SAMD12: variants seen among roughly 807,000 people sequenced by gnomAD.
The protein encoded by SAMD12 is sterile alpha motif domain-containing protein 12.
A neutral mutation model predicts 15.0 loss-of-function variants in SAMD12; 9 were observed. That is an observed-to-expected ratio of 0.60 (90% CI 0.36 to 1.05). The LOEUF is 1.05. SAMD12 is among the 50% of genes least tolerant of loss of function. The probability of loss-of-function intolerance (pLI) is 0.01; values close to 1 mark genes in which losing one functional copy is unlikely to be tolerated. For missense variants in SAMD12, 230 were observed against 234.2 expected (o/e 0.98, Z 0.12); for synonymous variants, 86 against 90.1 (o/e 0.96, Z 0.25).
chr8:118,573,120 T>C (rs552216465), intron 2 of SAMD12, among the ~76,000 whole-genome samples: 1 of 152,258 alleles, frequency 6.6e-6, no homozygotes, highest in South Asian at 2.1e-4. Context: ...GTTTCACTAT[T>C]GTTGCCCAGT....
At chr8:118,371,944 T>C (rs1227614069) in intron 4 of SAMD12, among the ~76,000 whole-genome samples, 1 of 152,072 alleles carries the variant, frequency 6.6e-6, no homozygotes, top group African/African-American at 2.4e-5. Context: ...CAATATCCTG[T>C]ACATGGAACA....
the SAMD12 span, among the ~76,000 whole-genome samples, chr8:118,151,861 A>G: frequency 6.6e-6 from 1 of 151,850 alleles, no homozygotes; most frequent in Admixed American, 6.6e-5. Flanking sequence ...AAGATTTTGA[A>G]GTACCAAAAA....
intron 3 of SAMD12, among the ~76,000 whole-genome samples, chr8:118,404,337 T>G (rs929030745): frequency 6.6e-6 from 1 of 152,202 alleles, no homozygotes; most frequent in Admixed American, 6.5e-5. Context: ...GATTTGTGCT[T>G]TGATATCTGC....
intron 2 of SAMD12, among the ~76,000 whole-genome samples, chr8:118,490,932 T>TG (rs200489556): frequency 0.087 from 9,864 of 112,918 alleles, 643 homozygotes; most frequent in African/African-American, 0.26. Context: ...ATTAAAGAAG[T>TG]GGGAAAAAAA....
chr8:118,430,839 C>T (rs1822380676), intron 3 of SAMD12, among the ~76,000 whole-genome samples: 1 of 151,916 alleles, frequency 6.6e-6, no homozygotes, highest in African/African-American at 2.4e-5. Context: ...CTTTTTTTGC[C>T]CCTAATCTGA....
At chr8:118,408,264 C>T (rs1420938213) in intron 3 of SAMD12, among the ~76,000 whole-genome samples, 1 of 152,174 alleles carries the variant, frequency 6.6e-6, no homozygotes, top group African/African-American at 2.4e-5. Context: ...AATCTACACA[C>T]CACTGGAGAG....
intron 4 of SAMD12, among the ~76,000 whole-genome samples, chr8:118,243,801 G>A (rs929621124): frequency 1.3e-5 from 2 of 152,108 alleles, no homozygotes; most frequent in Admixed American, 6.6e-5. Context: ...TCTTCTCATG[G>A]AAATGGAGAG....
chr8:118,570,655 T>A (rs1165193983), intron 2 of SAMD12, among the ~76,000 whole-genome samples: 3 of 152,184 alleles, frequency 2.0e-5, no homozygotes, highest in Non-Finnish European at 4.4e-5. Context: ...TCGTGAATAG[T>A]GCTGCAATGA....
At chr8:118,617,450 C>A (rs1267044627) in intron 1 of SAMD12, among the ~76,000 whole-genome samples, 1 of 152,214 alleles carries the variant, frequency 6.6e-6, no homozygotes, top group Non-Finnish European at 1.5e-5. Flanking sequence ...TGGTAAGCTA[C>A]CATGTTCATT....
chr8:118,584,131 C>T (rs1234638147), intron 1 of SAMD12, among the ~76,000 whole-genome samples: 1 of 152,212 alleles, frequency 6.6e-6, no homozygotes, highest in Non-Finnish European at 1.5e-5. Flanking sequence ...ACTTTCCACA[C>T]ACGTAGGCTT....
intron 4 of SAMD12, among the ~76,000 whole-genome samples, chr8:118,293,159 A>G (rs535663624): frequency 6.6e-6 from 1 of 152,270 alleles, no homozygotes. Context: ...CAACATCTCT[A>G]AGACCACATA....
intron 3 of SAMD12, among the ~76,000 whole-genome samples, chr8:118,383,793 C>T (rs1433201992): frequency 6.6e-6 from 1 of 152,114 alleles, no homozygotes; most frequent in African/African-American, 2.4e-5. Flanking sequence ...GCCTTTTACT[C>T]TTTTCCATTA....
At chr8:118,320,714 G>GT (rs1243619861) in intron 4 of SAMD12, among the ~76,000 whole-genome samples, 9 of 150,742 alleles carry the variant, frequency 6.0e-5, no homozygotes, top group Non-Finnish European at 1.0e-4. Flanking sequence ...TATACCTAAC[G>GT]TAAATGATGA....
intron 4 of SAMD12, among the ~76,000 whole-genome samples, chr8:118,326,029 A>G (rs919744229): frequency 5.9e-5 from 9 of 152,228 alleles, no homozygotes; most frequent in Non-Finnish European, 1.3e-4. Context: ...AAGCCCATGG[A>G]TTCAGCTGCT....
chr8:118,270,419 A>G (rs1409602457), intron 4 of SAMD12, among the ~76,000 whole-genome samples: 4 of 152,048 alleles, frequency 2.6e-5, no homozygotes, highest in Non-Finnish European at 5.9e-5. Context: ...ATATATTTCC[A>G]TTTCCTGAAT....
intron 4 of SAMD12, among the ~76,000 whole-genome samples, chr8:118,223,671 T>C (rs920737740): frequency 2.6e-5 from 4 of 152,160 alleles, no homozygotes; most frequent in Non-Finnish European, 5.9e-5. Context: ...GAACAATCAA[T>C]AGGGCTATAT....
chr8:118,335,889 A>G (rs1817032854), intron 4 of SAMD12, among the ~76,000 whole-genome samples: 1 of 152,104 alleles, frequency 6.6e-6, no homozygotes, highest in African/African-American at 2.4e-5. Flanking sequence ...GGTGCACACC[A>G]CTAGCCCTCT....
intron 4 of SAMD12, among the ~76,000 whole-genome samples, chr8:118,254,716 G>A (rs1019645805): frequency 1.3e-5 from 2 of 151,974 alleles, no homozygotes; most frequent in African/African-American, 4.8e-5. Context: ...CGGCTGTGCT[G>A]TTCCTTCAGC....
At chr8:118,438,394 AT>A (rs1353577034) in intron 3 of SAMD12, among the ~76,000 whole-genome samples, 1 of 146,066 alleles carries the variant, frequency 6.8e-6, no homozygotes, top group South Asian at 2.2e-4. Context: ...TTTTTAAAAC[AT>A]TTAGTGCTTA....
Sources: gnomAD v4.1 joint callset for allele counts (sites outside exome capture counted in the v4.1 genomes callset) on GRCh38, gnomAD v4.1.1 for gene constraint, MANE v1.5 for transcripts, NCBI Gene and HGNC (gene_info 2026-07-23, HGNC 2026-07-21) for gene names.